CACNA1I: variants seen among roughly 807,000 people sequenced by gnomAD.
CACNA1I encodes the protein voltage-dependent T-type calcium channel subunit alpha-1I.
In CACNA1I, 74 loss-of-function variants were observed where a neutral mutation model predicts 201.6. The observed-to-expected ratio is 0.37, with a 90% CI of 0.30 to 0.45. The LOEUF is 0.45. Among genes scored for constraint, CACNA1I ranks in the 20% least tolerant of loss-of-function variants. The probability of loss-of-function intolerance (pLI) is 1.00; values close to 1 mark genes in which losing one functional copy is unlikely to be tolerated. For missense variants in CACNA1I, 2,346 were observed against 3,138.1 expected (o/e 0.75, Z 6.03); for synonymous variants, 1,431 against 1,345.2 (o/e 1.06, Z -1.40).
intron 3 of CACNA1I, among the ~76,000 whole-genome samples, chr22:39,609,570 T>C (rs1240819859): frequency 2.0e-5 from 3 of 151,942 alleles, no homozygotes; most frequent in African/African-American, 7.3e-5. Flanking sequence ...GGGTGAAGAG[T>C]GACAGGGCAT....
Position 39,684,857 on chromosome 22 carries a change from T to C in CACNA1I, c.6027+359T>C, listed in dbSNP as rs994958447. 8 of 497,108 alleles carry C rather than the reference T, an allele frequency of 1.6e-5. No individual in the cohort carries two copies. The highest frequency in any genetic ancestry group is 6.9e-5 in the Admixed American group (2 of 28,820). 30.8% of individuals were successfully genotyped at this position (497,108 alleles called of 1,614,324 possible). A position where few individuals can be genotyped will look rare whatever the true frequency, so the allele number is the denominator to read the frequency against. On this transcript the variant is annotated intron_variant, in intron 36 of 36. Coordinates refer to ENST00000402142, the MANE Select transcript of CACNA1I (RefSeq NM_021096.4). The surrounding 1 kb of genome is among the most constrained non-coding windows in gnomAD (Gnocchi z 4.6). ...GCAGTGGGGAGGACACCCTGGGTGC[T>C]CTGGGTGGGTGTGAGTGGGGGCTTG... is the stretch of plus-strand genomic sequence containing the variant.
chr22:39,682,569 C>A lies in CACNA1I; in HGVS notation c.5738C>A (p.Ala1913Asp). Residue 1913 changes from alanine to aspartate, a missense_variant, in exon 35 of 37, where the codon GCC (alanine) becomes GAC (aspartate). Coordinates refer to ENST00000402142, the MANE Select transcript of CACNA1I (RefSeq NM_021096.4). The stretch of plus-strand genomic sequence containing the variant: ...TGCTTCTTCCCCTTGTCCTCTACGG[C>A]CGTCTCGCCGGATCCAGAGAACTTC... ...GECFFPLSST[A>D]VSPDPENFLC... The A allele has an allele frequency of 6.2e-7, 1 of 1,613,678 alleles. No homozygotes were observed. Among genetic ancestry groups the A allele is most frequent in the Non-Finnish European group, 8.5e-7 (1 of 1,179,834 alleles).
chr22:39,642,943 G>T, intron 7 of CACNA1I, 54 bp downstream of exon 7: 1 of 1,264,350 alleles, frequency 7.9e-7, no homozygotes. Flanking sequence ...ATGGACCAGG[G>T]GACCTGAGGA....
intron 1 of CACNA1I, among the ~76,000 whole-genome samples, chr22:39,577,671 C>T (rs892858459): frequency 1.2e-4 from 18 of 152,242 alleles, no homozygotes; most frequent in African/African-American, 4.1e-4. Context: ...CCAGGAGACC[C>T]GTCGAGAGGC....
intron 23 of CACNA1I, among the ~76,000 whole-genome samples, chr22:39,667,018 C>T (rs1935220619): frequency 2.0e-5 from 3 of 152,242 alleles, no homozygotes; most frequent in Admixed American, 2.0e-4. Flanking sequence ...CCTGGCTCTC[C>T]TGGAACCCTG....
intron 10 of CACNA1I, among the ~76,000 whole-genome samples, chr22:39,653,201 G>A (rs1377953293): frequency 1.3e-5 from 2 of 152,128 alleles, no homozygotes; most frequent in African/African-American, 4.8e-5. Flanking sequence ...GCTCACTGAT[G>A]AGTCACTGCT....
At chr22:39,580,088 T>C (rs933930248) in intron 1 of CACNA1I, among the ~76,000 whole-genome samples, 14 of 152,128 alleles carry the variant, frequency 9.2e-5, no homozygotes, top group African/African-American at 2.4e-4. Context: ...ACCTCCAGCA[T>C]TGGGGATCAT....
chr22:39,664,752 G>T lies in CACNA1I; in HGVS notation c.3680G>T (p.Gly1227Val). The change falls in exon 21 of 37, where the codon GGC (glycine) becomes GTC (valine). Residue 1227 changes from glycine (G) to valine (V), a missense_variant. Physicochemically the swap from Gly to Val is moderately radical, Grantham distance 109. Coordinates refer to ENST00000402142, the MANE Select transcript of CACNA1I (RefSeq NM_021096.4). ...CCCCCGCCCCAGGTAGTCTCGCTGGGCCTGTACTTCGGCGAGCAGGCGTAC... is the reference window on the plus strand; with the variant it reads ...CCCCCGCCCCAGGTAGTCTCGCTGGTCCTGTACTTCGGCGAGCAGGCGTAC... ...GEMTLKVVSL[G>V]LYFGEQAYLR... The T allele has an allele frequency of 6.2e-7, 1 of 1,605,132 alleles. No individual in the cohort carries two copies.
rs1477155099 is a variant in CACNA1I at position 39,685,478 on chromosome 22, G to A, written c.6028-283G>A. ...GCCCTGGGGGAGGGCGGTGGGCCCAGGGCTTCCCCTTGGAGTGAGCCTGGA... is the reference window on the plus strand; with the variant it reads ...GCCCTGGGGGAGGGCGGTGGGCCCAAGGCTTCCCCTTGGAGTGAGCCTGGA... On this transcript the variant is annotated intron_variant, in intron 36 of 36. Transcript: ENST00000402142. This position sits in a 1 kb window ranked among gnomAD's most constrained non-coding sequence, Gnocchi z 5.0. Among the ~76,000 whole-genome samples, 4 of 151,808 alleles carry A rather than the reference G, an allele frequency of 2.6e-5. No homozygotes were observed. The highest frequency in any genetic ancestry group is 9.7e-5 in the African/African-American group (4 of 41,336).
chr22:39,650,277 T>C (rs136830), intron 10 of CACNA1I, among the ~76,000 whole-genome samples: 16,980 of 150,880 alleles, frequency 0.11, 1,223 homozygotes, highest in Middle Eastern at 0.22. Flanking sequence ...TATTCACCTC[T>C]CCACCTGAGC....
intron 4 of CACNA1I, among the ~76,000 whole-genome samples, chr22:39,628,361 C>T (rs1212669622): frequency 7.9e-5 from 12 of 152,018 alleles, no homozygotes. Context: ...AGGGTGCCTA[C>T]CTGGTCTAGG....
chr22:39,595,253 C>A lies in CACNA1I; in HGVS notation c.237-2898C>A, dbSNP rs920301306. Among the ~76,000 whole-genome samples, 3 of 152,078 alleles carry A rather than the reference C, an allele frequency of 2.0e-5. No individual in the cohort carries two copies. In the East Asian group the frequency reaches 5.8e-4, roughly 29 times the overall value. ...GCAGTGAGCCGAGATCACGCCACTG[C>A]ACTTCAGCCTGGCGACAGAGCAAGA... On this transcript the variant is annotated intron_variant, in intron 1 of 36. Coordinates refer to ENST00000402142, the MANE Select transcript of CACNA1I (RefSeq NM_021096.4).
chr22:39,600,799 G>A (rs1933009525), intron 3 of CACNA1I, 146 bp downstream of exon 3: 1 of 1,056,554 alleles, frequency 9.5e-7, no homozygotes, highest in Non-Finnish European at 1.3e-6. Context: ...GAGGAATGAT[G>A]GACAGACAGA....
chr22:39,647,162 C>T (rs1569078214), intron 8 of CACNA1I, among the ~76,000 whole-genome samples: 2 of 151,782 alleles, frequency 1.3e-5, no homozygotes, highest in African/African-American at 2.4e-5. Flanking sequence ...AGATCGGCCT[C>T]GGAGGAAGCC....
chr22:39,642,005 A>G (rs537900649), intron 6 of CACNA1I, among the ~76,000 whole-genome samples: 1 of 152,230 alleles, frequency 6.6e-6, no homozygotes, highest in Admixed American at 6.5e-5. Flanking sequence ...CTCAGAAAGA[A>G]GGGGCAGGAG....
intron 4 of CACNA1I, among the ~76,000 whole-genome samples, chr22:39,620,250 T>G (rs1294770657): frequency 1.0e-5 from 1 of 95,520 alleles, no homozygotes; most frequent in African/African-American, 3.6e-5. Flanking sequence ...CATCCATCCA[T>G]CCATCCATCC....
At chr22:39,601,969 CA>C in intron 3 of CACNA1I, among the ~76,000 whole-genome samples, 1 of 26,596 alleles carries the variant, frequency 3.8e-5, no homozygotes, top group Non-Finnish European at 7.8e-5. Flanking sequence ...CTCTTTCTTT[CA>C]CCCTCCCTCC....
intron 5 of CACNA1I, among the ~76,000 whole-genome samples, chr22:39,636,028 G>A (rs911956633): frequency 1.3e-5 from 2 of 152,246 alleles, no homozygotes; most frequent in African/African-American, 2.4e-5. Context: ...GGCACCTGGG[G>A]CTTAACTCCT....
intron 1 of CACNA1I, among the ~76,000 whole-genome samples, chr22:39,578,443 C>T (rs1006305903): frequency 2.0e-5 from 3 of 152,062 alleles, no homozygotes; most frequent in Non-Finnish European, 4.4e-5. Context: ...TCCATCTCTT[C>T]TTGTCTACAC....
Sources: allele counts gnomAD v4.1 joint callset (sites outside exome capture counted in the v4.1 genomes callset), GRCh38; gene constraint gnomAD v4.1.1; non-coding constraint Gnocchi (gnomAD v3.1); transcripts MANE v1.5; gene names NCBI Gene and HGNC (gene_info 2026-07-23, HGNC 2026-07-21).